The following STAC variants were observed in gnomAD, a reference collection of about 807,000 sequenced individuals.
The protein encoded by STAC is SH3 and cysteine-rich domain-containing protein.
In STAC, 43 loss-of-function variants were observed where a neutral mutation model predicts 48.8. That is an observed-to-expected ratio of 0.88 (90% CI 0.69 to 1.14). The LOEUF is 1.14. Among genes scored for constraint, STAC ranks in the 50% most tolerant of loss-of-function variants. The pLI is 0.00. For missense variants in STAC, 497 were observed against 504.0 expected (o/e 0.99, Z 0.13); for synonymous variants, 193 against 179.5 (o/e 1.07, Z -0.60).
chr3:36,547,873 G>A lies in STAC; in HGVS notation c.*1584G>A, dbSNP rs1362893946. The A allele has an allele frequency of 6.6e-6, 1 of 152,132 alleles. No homozygotes were observed. The highest frequency in any genetic ancestry group is 1.5e-5 in the Non-Finnish European group (1 of 68,026). 9.4% of individuals were successfully genotyped at this position (152,132 alleles called of 1,614,324 possible). A position where few individuals can be genotyped will look rare whatever the true frequency, so the allele number is the denominator to read the frequency against. On this transcript the variant is annotated 3_prime_UTR_variant, in exon 11 of 11. Coordinates refer to ENST00000273183, the MANE Select transcript of STAC (RefSeq NM_003149.3). ...AAACCAGGTGTACGATGTCAAGATGGATTCTTTGAGAGCCAGGGTAGATCA... is the reference window on the plus strand; with the variant it reads ...AAACCAGGTGTACGATGTCAAGATGAATTCTTTGAGAGCCAGGGTAGATCA...
intron 1 of STAC, among the ~76,000 whole-genome samples, chr3:36,381,969 C>T (rs1055233241): frequency 1.3e-5 from 2 of 152,234 alleles, no homozygotes; most frequent in African/African-American, 4.8e-5. Context: ...AAAGCCCCAA[C>T]TTCCAGAGAC....
intron 10 of STAC, among the ~76,000 whole-genome samples, chr3:36,534,027 A>G (rs1389210789): frequency 1.3e-5 from 2 of 152,186 alleles, no homozygotes; most frequent in Non-Finnish European, 2.9e-5. Flanking sequence ...TTAAAAATCA[A>G]TTTTAGAAAC....
chr3:36,504,332 G>T lies in STAC; in HGVS notation c.767-61G>T. 3 of 1,440,416 alleles carry T rather than the reference G, an allele frequency of 2.1e-6. No homozygotes were observed. The East Asian group carries it at 6.9e-5, about 33-fold the overall frequency. 89.2% of individuals were successfully genotyped at this position (1,440,416 alleles called of 1,614,324 possible). ...TAGAATAAATAAAGCCATCTTTCAGGAATATTTGTTTAAATGGTAACTAGA... is the reference window on the plus strand; with the variant it reads ...TAGAATAAATAAAGCCATCTTTCAGTAATATTTGTTTAAATGGTAACTAGA... On this transcript the variant is annotated intron_variant, in intron 6 of 10. Transcript: ENST00000273183.
At chr3:36,530,431 G>A (rs956913608) in intron 10 of STAC, among the ~76,000 whole-genome samples, 1 of 152,036 alleles carries the variant, frequency 6.6e-6, no homozygotes, top group African/African-American at 2.4e-5. Flanking sequence ...AAGAAAATCA[G>A]TCATTACCTT....
intron 2 of STAC, among the ~76,000 whole-genome samples, chr3:36,459,543 G>A (rs1485244713): frequency 6.6e-6 from 1 of 152,174 alleles, no homozygotes; most frequent in Non-Finnish European, 1.5e-5. Context: ...AATACATAGT[G>A]TACAGATTGC....
chr3:36,509,756 T>C (rs543213518), intron 8 of STAC, among the ~76,000 whole-genome samples: 12 of 152,002 alleles, frequency 7.9e-5, no homozygotes, highest in African/African-American at 2.4e-4. Flanking sequence ...TGGCTAGCCA[T>C]ATGCAGAACA....
At chr3:36,446,402 T>A (rs1289175113) in intron 2 of STAC, among the ~76,000 whole-genome samples, 1 of 152,232 alleles carries the variant, frequency 6.6e-6, no homozygotes, top group Admixed American at 6.5e-5. Flanking sequence ...CTAAGAGACT[T>A]CTGAGCTGTC....
chr3:36,400,758 A>G (rs756966648), intron 1 of STAC, among the ~76,000 whole-genome samples: 1 of 152,208 alleles, frequency 6.6e-6, no homozygotes, highest in African/African-American at 2.4e-5. Context: ...CACCACTGCC[A>G]TAGAAGTAAA....
At chr3:36,406,724 C>G (rs891760282) in intron 1 of STAC, among the ~76,000 whole-genome samples, 5 of 152,202 alleles carry the variant, frequency 3.3e-5, no homozygotes, top group African/African-American at 1.2e-4. Flanking sequence ...TTCATTCACA[C>G]ATTGTTTATG....
chr3:36,481,585 T>C (rs1272807272), intron 2 of STAC, among the ~76,000 whole-genome samples: 1 of 152,184 alleles, frequency 6.6e-6, no homozygotes, highest in Non-Finnish European at 1.5e-5. Flanking sequence ...TTCATTCCTG[T>C]ATCTCCCCTC....
At chr3:36,454,121 C>T (rs187694663) in intron 2 of STAC, among the ~76,000 whole-genome samples, 3 of 152,274 alleles carry the variant, frequency 2.0e-5, no homozygotes, top group African/African-American at 7.2e-5. Context: ...AAGCAGGCTG[C>T]CCTAGCCAGC....
intron 1 of STAC, among the ~76,000 whole-genome samples, chr3:36,401,837 C>T (rs748547432): frequency 5.9e-5 from 9 of 152,228 alleles, no homozygotes; most frequent in East Asian, 1.9e-4. Context: ...ATCTCATCCA[C>T]GAAGCAGGTC....
chr3:36,453,120 A>G (rs75376489), intron 2 of STAC, among the ~76,000 whole-genome samples: 5,220 of 152,352 alleles, frequency 0.034, 130 homozygotes, highest in South Asian at 0.054. Context: ...TGGTCATCGT[A>G]CTACCACATA....
intron 1 of STAC, among the ~76,000 whole-genome samples, chr3:36,403,409 T>G (rs1489464741): frequency 6.6e-6 from 1 of 152,130 alleles, no homozygotes; most frequent in Non-Finnish European, 1.5e-5. Flanking sequence ...TTGTTTTTTT[T>G]TAATTCTCAA....
At chr3:36,470,408 G>C (rs528747960) in intron 2 of STAC, among the ~76,000 whole-genome samples, 13 of 152,376 alleles carry the variant, frequency 8.5e-5, no homozygotes, top group Admixed American at 3.3e-4. Context: ...AAAGAGTCCT[G>C]TGACGTGATC....
At chr3:36,508,575 A>T (rs1178427119) in intron 8 of STAC, among the ~76,000 whole-genome samples, 1 of 152,130 alleles carries the variant, frequency 6.6e-6, no homozygotes, top group Non-Finnish European at 1.5e-5. Context: ...GTAGGTCTCT[A>T]AGAACTTGCT....
At chr3:36,492,005 GAAAAAAA>G (rs1178508885) in intron 5 of STAC, among the ~76,000 whole-genome samples, 6 of 6,428 alleles carry the variant, frequency 9.3e-4, no homozygotes, top group African/African-American at 3.3e-3. Flanking sequence ...TCCATCTCAA[GAAAAAAA>G]AAAAAAAAAA....
At chr3:36,516,480 G>A (rs1193444338) in intron 8 of STAC, among the ~76,000 whole-genome samples, 1 of 151,994 alleles carries the variant, frequency 6.6e-6, no homozygotes, top group Non-Finnish European at 1.5e-5. Context: ...CAGTTCCAGT[G>A]CAAAATAAAC....
chr3:36,534,425 T>C (rs1699146646), intron 10 of STAC, among the ~76,000 whole-genome samples: 1 of 152,042 alleles, frequency 6.6e-6, no homozygotes, highest in African/African-American at 2.4e-5. Context: ...CACCAGAAAA[T>C]AGCCAATATG....
Sources: allele counts gnomAD v4.1 joint callset (sites outside exome capture counted in the v4.1 genomes callset), GRCh38; gene constraint gnomAD v4.1.1; transcripts MANE v1.5; gene names NCBI Gene and HGNC (gene_info 2026-07-23, HGNC 2026-07-21).